The following NFIA variants were observed in gnomAD, a reference collection of about 807,000 sequenced individuals.
NFIA encodes the protein nuclear factor I A.
In NFIA, 8 loss-of-function variants were observed where a neutral mutation model predicts 62.8. The observed-to-expected ratio is 0.13, with a 90% confidence interval of 0.07 to 0.23. NFIA has a LOEUF of 0.23. Ranked by LOEUF, NFIA falls within the 10% of genes least tolerant of loss-of-function variation. The pLI, the probability that NFIA is intolerant of heterozygous loss-of-function variation, is 1.00. For synonymous variants in NFIA, 235 were observed against 238.1 expected, an observed-to-expected ratio of 0.99 and a Z score of 0.12; for missense variants, 410 against 642.1, an observed-to-expected ratio of 0.64 and a Z score of 3.91.
intron 5 of NFIA, among the ~76,000 whole-genome samples, chr1:61,356,598 C>A (rs181884724): frequency 6.6e-6 from 1 of 152,226 alleles, no homozygotes; most frequent in East Asian, 1.9e-4. Flanking sequence ...GTAAGGAATT[C>A]GCTGTGTATA....
Position 61,083,575 on chromosome 1 carries a change from G to T in NFIA, c.27+757G>T, listed in dbSNP as rs1055758227. On this transcript the variant is annotated intron_variant, in intron 1 of 10. Coordinates refer to ENST00000403491, the MANE Select transcript of NFIA (RefSeq NM_001134673.4). ...CCCGCGCCGGCCGGGTGGAGCCTGC[G>T]TCCTCGCCGCGCGCCGGTGGCCCGT... 5.3e-5 allele frequency among the ~76,000 whole-genome samples: 8 copies of T among 151,790 alleles called. No individual in the cohort carries two copies. The East Asian group carries it at 1.6e-3, about 30-fold the overall frequency.
chr1:61,300,707 GTA>G (rs77676683), intron 3 of NFIA, among the ~76,000 whole-genome samples: 4 of 151,462 alleles, frequency 2.6e-5, no homozygotes, highest in Non-Finnish European at 5.9e-5. Context: ...CTATATATGT[GTA>G]TATATATGTA....
At chr1:61,181,916 A>G (rs1032297196) in intron 2 of NFIA, among the ~76,000 whole-genome samples, 1 of 152,218 alleles carries the variant, frequency 6.6e-6, no homozygotes, top group African/African-American at 2.4e-5. Flanking sequence ...TTTCCTAAGA[A>G]AAGTGTCATA....
At position 61,359,193 on chromosome 1, in the gene NFIA, G is replaced by A; in HGVS notation, c.865G>A (p.Gly289Ser). 6.2e-7 allele frequency: 1 copy of A among 1,613,320 alleles called. No homozygotes were observed. Among genetic ancestry groups the A allele is most frequent in the South Asian group, 1.1e-5 (1 of 91,038 alleles). The stretch of plus-strand genomic sequence containing the variant: ...TGTGGAGGATGAAATGGACAGTCCT[G>A]GTGAGGAGCCATTTTATACAGGCCA... ...KSVEDEMDSP[G>S]EEPFYTGQGR... Residue 289 changes from glycine (G) to serine (S), a missense_variant, in exon 6 of 11, where the codon GGT becomes AGT. Around this residue, in one of 3 missense-constraint regions of NFIA, gnomAD observed 298 missense variants for 438.1 expected, o/e 0.68. Coordinates refer to ENST00000403491, the MANE Select transcript of NFIA (RefSeq NM_001134673.4).
chr1:61,306,269 CT>C (rs774297484), intron 3 of NFIA, among the ~76,000 whole-genome samples: 39 of 60,622 alleles, frequency 6.4e-4, no homozygotes, highest in South Asian at 2.3e-3. Flanking sequence ...AGATTTTGTT[CT>C]TTTTTTTTTT....
chr1:61,191,173 C>A (rs993083144), intron 2 of NFIA, among the ~76,000 whole-genome samples: 1 of 151,744 alleles, frequency 6.6e-6, no homozygotes, highest in African/African-American at 2.4e-5. Context: ...GAATGTTAGA[C>A]CAAACCATTA....
chr1:61,379,389 ACTTTTT>A (rs1317756539), intron 6 of NFIA, among the ~76,000 whole-genome samples: 1 of 147,810 alleles, frequency 6.8e-6, no homozygotes, highest in Non-Finnish European at 1.5e-5. Flanking sequence ...CACTCAGCTA[ACTTTTT>A]CTTTTTCTTT....
At chr1:61,082,380 C>G (rs1002422507), upstream of NFIA, 20 of 685,454 alleles carry the variant, frequency 2.9e-5, no homozygotes, top group Middle Eastern at 7.5e-4. Context: ...CCCTCCCCCC[C>G]GCGGCGGCGG....
chr1:61,219,737 G>T (rs546043461), intron 2 of NFIA, among the ~76,000 whole-genome samples: 1 of 110,414 alleles, frequency 9.1e-6, no homozygotes. Flanking sequence ...GAAAAAAGGC[G>T]GGCGGATCAC....
Position 61,088,554 on chromosome 1 carries a change from A to G in NFIA, c.433A>G (p.Thr145Ala). 6.2e-7 allele frequency: 1 copy of G among 1,614,164 alleles called. No individual in the cohort carries two copies. Among genetic ancestry groups the G allele is most frequent in the Non-Finnish European group, 8.5e-7 (1 of 1,180,016 alleles). ...GTTTAAAGGTATTCCGCTGGAAAGTACTGATGGCGAGCGCCTTGTAAAGTC... is the reference window on the plus strand; with the variant it reads ...GTTTAAAGGTATTCCGCTGGAAAGTGCTGATGGCGAGCGCCTTGTAAAGTC... ...ILFKGIPLES[T>A]DGERLVKSPQ... Residue 145 changes from threonine (T) to alanine (A), a missense_variant, in exon 2 of 11, where the codon ACT becomes GCT. Physicochemically the swap from Thr to Ala is moderately conservative, Grantham distance 58 (BLOSUM62 0). Coordinates refer to ENST00000403491, the MANE Select transcript of NFIA (RefSeq NM_001134673.4). This position sits in a 1 kb window ranked among gnomAD's most constrained non-coding sequence, Gnocchi z 4.5.
At chr1:61,267,414 C>A (rs907769610) in intron 2 of NFIA, among the ~76,000 whole-genome samples, 1 of 151,988 alleles carries the variant, frequency 6.6e-6, no homozygotes. Context: ...GAGGCTGAGG[C>A]AGGAGAATCA....
At position 61,332,517 on chromosome 1, in the gene NFIA, T is replaced by C. The variant is rs555189715; in HGVS notation, c.631T>C (p.Leu211=). ...TTTTGTTTTTGTTTCCCCAGGACAT[T>C]TGGGCTTCCAGGACAGTTTTGTCAC... ...DIKDQPENGH[L]GFQDSFVTSG... The change falls in exon 4 of 11, where the codon TTG becomes CTG. Residue 211 remains leucine, a synonymous_variant. Coordinates refer to ENST00000403491, the MANE Select transcript of NFIA (RefSeq NM_001134673.4). The C allele has an allele frequency of 4.3e-6, 7 of 1,613,996 alleles. No homozygotes were observed. In the East Asian group the frequency reaches 8.9e-5, roughly 21 times the overall value.
intron 3 of NFIA, among the ~76,000 whole-genome samples, chr1:61,303,076 T>G (rs1659575678): frequency 6.6e-6 from 1 of 152,210 alleles, no homozygotes; most frequent in African/African-American, 2.4e-5. Context: ...CAATTGCTAC[T>G]GTTAATCTAA....
chr1:61,170,692 C>T (rs573960713), intron 2 of NFIA, among the ~76,000 whole-genome samples: 2 of 152,098 alleles, frequency 1.3e-5, no homozygotes, highest in East Asian at 1.9e-4. Flanking sequence ...TTGCATTCTT[C>T]GTGGTGTATA....
chr1:61,185,365 GA>G (rs1651096298), intron 2 of NFIA, among the ~76,000 whole-genome samples: 1 of 152,000 alleles, frequency 6.6e-6, no homozygotes, highest in African/African-American at 2.4e-5. Context: ...CAATCAAAAG[GA>G]AAAAAAGGGG....
At chr1:61,091,999 A>T (rs909379668) in intron 2 of NFIA, among the ~76,000 whole-genome samples, 10 of 152,176 alleles carry the variant, frequency 6.6e-5, no homozygotes, top group African/African-American at 2.2e-4. Context: ...TTTTTAGGCC[A>T]TAGAATGACA....
chr1:61,179,172 A>AT (rs1557617389), intron 2 of NFIA, among the ~76,000 whole-genome samples: 1 of 152,240 alleles, frequency 6.6e-6, no homozygotes, highest in African/African-American at 2.4e-5. Flanking sequence ...TGTGAGCAGC[A>AT]TGTGGGGAGG....
chr1:61,406,542 T>TGGGGGGGGGGGG lies in NFIA; in HGVS notation c.1255-19_1255-18insGGGGGGGGGGGG. ...TTCTTTTTCTTGTACGTGTGTTTTC[T>TGGGGGGGGGGGG]GCCCCCCCCCCCCCCACAGCCCAAT... On this transcript the variant is annotated intron_variant, in intron 8 of 10. Transcript: ENST00000403491. 76 of 1,253,702 alleles carry TGGGGGGGGGGGG rather than the reference T, an allele frequency of 6.1e-5. No homozygotes were observed. Among genetic ancestry groups the TGGGGGGGGGGGG allele is most frequent in the East Asian group, 1.2e-4 (4 of 32,716 alleles). 77.7% of individuals were successfully genotyped at this position (1,253,702 alleles called of 1,614,324 possible). A position where few individuals can be genotyped will look rare whatever the true frequency, so the allele number is the denominator to read the frequency against.
chr1:61,330,953 A>G (rs1015076123), intron 3 of NFIA, among the ~76,000 whole-genome samples: 1 of 152,178 alleles, frequency 6.6e-6, no homozygotes, highest in Non-Finnish European at 1.5e-5. Context: ...CCCTATAAGA[A>G]AGAGATGTTG....
Sources: gnomAD v4.1 joint callset for allele counts (sites outside exome capture counted in the v4.1 genomes callset) on GRCh38, gnomAD v4.1.1 for gene constraint, gnomAD v4.1.1 regional missense constraint, Gnocchi (gnomAD v3.1) non-coding constraint, MANE v1.5 for transcripts, NCBI Gene and HGNC (gene_info 2026-07-23, HGNC 2026-07-21) for gene names.